ZNF618: variants seen among roughly 807,000 people sequenced by gnomAD.
ZNF618 encodes neural precursor cell expressed, developmentally down-regulated 10.
A neutral mutation model predicts 103.0 loss-of-function variants in ZNF618; 34 were observed. That is an observed-to-expected ratio of 0.33 (90% CI 0.25 to 0.44). The LOEUF (loss-of-function observed/expected upper bound fraction) is 0.44. Ranked by LOEUF, ZNF618 falls within the 20% of genes least tolerant of loss-of-function variation. The pLI, the probability that ZNF618 is intolerant of heterozygous loss-of-function variation, is 1.00. For synonymous variants in ZNF618, 551 were observed against 542.2 expected (o/e 1.02, Z -0.23); for missense variants, 1,059 against 1,295.4 (o/e 0.82, Z 2.80).
At position 114,049,150 on chromosome 9, in the gene ZNF618, G is replaced by A. The variant is rs1268649481; in HGVS notation, c.1848G>A (p.Val616=). The change falls in exon 15 of 15, where the codon GTG becomes GTA. Residue 616 remains valine (V), a synonymous_variant. Coordinates refer to ENST00000374126, the MANE Select transcript of ZNF618 (RefSeq NM_001318042.2). ...FVMSEIRTVY[V]TDCRVSTSAF... is the part of the protein sequence containing the mutation. ...TGTCGGAGATCAGGACAGTGTACGT[G>A]ACGGATTGCCGGGTGAGCACGTCCG... The A allele has an allele frequency of 1.9e-6, 3 of 1,613,868 alleles. No individual in the cohort carries two copies. In the Admixed American group the frequency reaches 5.0e-5, roughly 27 times the overall value.
At chr9:114,045,872 A>T (rs1367804773) in intron 13 of ZNF618, among the ~76,000 whole-genome samples, 2 of 151,878 alleles carry the variant, frequency 1.3e-5, no homozygotes, top group Admixed American at 6.6e-5. Context: ...ATGAACATGG[A>T]ATATCTTTTC....
At chr9:113,909,422 C>A (rs534967585) in intron 1 of ZNF618, among the ~76,000 whole-genome samples, 1 of 152,228 alleles carries the variant, frequency 6.6e-6, no homozygotes, top group South Asian at 2.1e-4. Context: ...ACCATGGCTG[C>A]GCTCTGTATG....
chr9:113,888,564 A>G (rs1829294311), intron 1 of ZNF618, among the ~76,000 whole-genome samples: 1 of 152,276 alleles, frequency 6.6e-6, no homozygotes, highest in Admixed American at 6.5e-5. Context: ...CTTGGAGCCA[A>G]GAGCTCTGGC....
intron 1 of ZNF618, among the ~76,000 whole-genome samples, chr9:113,945,007 A>G (rs911023241): frequency 7.9e-5 from 12 of 152,130 alleles, no homozygotes; most frequent in Admixed American, 7.2e-4. Flanking sequence ...TGTTAATGAG[A>G]ATGACTCATT....
intron 1 of ZNF618, among the ~76,000 whole-genome samples, chr9:113,958,608 C>CA (rs1286919962): frequency 6.6e-6 from 1 of 152,210 alleles, no homozygotes; most frequent in African/African-American, 2.4e-5. Flanking sequence ...GGAACGGAGG[C>CA]ACTGAGAGAT....
chr9:113,909,856 C>G (rs563372341), intron 1 of ZNF618, among the ~76,000 whole-genome samples: 59 of 152,000 alleles, frequency 3.9e-4, no homozygotes, highest in African/African-American at 1.4e-3. Flanking sequence ...GCGGTCTCAG[C>G]TCACTGCAAC....
At chr9:114,025,731 A>T (rs900036064) in intron 10 of ZNF618, among the ~76,000 whole-genome samples, 1 of 151,920 alleles carries the variant, frequency 6.6e-6, no homozygotes, top group Non-Finnish European at 1.5e-5. Context: ...TCTGCCTTAT[A>T]CCTTTGGGAC....
At chr9:113,905,408 C>T (rs2131333893) in intron 1 of ZNF618, among the ~76,000 whole-genome samples, 1 of 152,244 alleles carries the variant, frequency 6.6e-6, no homozygotes, top group African/African-American at 2.4e-5. Flanking sequence ...AACTACAGGC[C>T]AAATATGGGG....
chr9:114,016,187 G>A (rs572476784), intron 9 of ZNF618: 26 of 1,612,604 alleles, frequency 1.6e-5, no homozygotes, highest in African/African-American at 2.7e-5. Context: ...AGATAAAGTC[G>A]GGTGGGACTT....
At chr9:114,015,300 G>A (rs921576629) in intron 9 of ZNF618, among the ~76,000 whole-genome samples, 1 of 152,144 alleles carries the variant, frequency 6.6e-6, no homozygotes, top group Admixed American at 6.5e-5. Flanking sequence ...TTTCATAAAT[G>A]TCAATATGCC....
intron 3 of ZNF618, among the ~76,000 whole-genome samples, chr9:113,990,815 C>T (rs534564877): frequency 5.9e-5 from 9 of 152,232 alleles, no homozygotes; most frequent in East Asian, 1.9e-4. Context: ...TTTGGGGAGG[C>T]GCAGGAGTGA....
At chr9:114,030,591 A>G (rs1208111931) in intron 11 of ZNF618, among the ~76,000 whole-genome samples, 1 of 152,118 alleles carries the variant, frequency 6.6e-6, no homozygotes, top group Non-Finnish European at 1.5e-5. Flanking sequence ...GCCTTGGAAG[A>G]CTTGTGGGTA....
chr9:114,002,546 G>C (rs1225772806), intron 5 of ZNF618, 78 bp from the exon 6 acceptor site: 1 of 1,499,044 alleles, frequency 6.7e-7, no homozygotes, highest in East Asian at 2.3e-5. Flanking sequence ...TGGCTTCCAT[G>C]TTCTCTTTTG....
At position 114,051,982 on chromosome 9, in the gene ZNF618, A is replaced by G. The variant is rs897779743; in HGVS notation, c.*1815A>G. On this transcript the variant is annotated 3_prime_UTR_variant, in exon 15 of 15. Transcript: ENST00000374126. Reference sequence around the variant, plus strand: ...AGGCTTCAAGCTGAGAATGGCCATCATGGCGGGAGGCTGTTTGCAAAGGCA... The same window carrying G: ...AGGCTTCAAGCTGAGAATGGCCATCGTGGCGGGAGGCTGTTTGCAAAGGCA... The G allele has an allele frequency of 1.3e-5, 2 of 152,488 alleles. No homozygotes were observed. Among genetic ancestry groups the G allele is most frequent in the Non-Finnish European group, 2.9e-5 (2 of 68,060 alleles). 9.4% of individuals were successfully genotyped at this position (152,488 alleles called of 1,614,324 possible). A position where few individuals can be genotyped will look rare whatever the true frequency, so the allele number is the denominator to read the frequency against.
At chr9:113,916,080 G>C (rs1007784215) in intron 1 of ZNF618, among the ~76,000 whole-genome samples, 1 of 151,802 alleles carries the variant, frequency 6.6e-6, no homozygotes, top group Non-Finnish European at 1.5e-5. Flanking sequence ...GTCTGTGTGT[G>C]TGTGTGTGTG....
At chr9:113,918,475 G>A (rs1280258789) in intron 1 of ZNF618, among the ~76,000 whole-genome samples, 1 of 152,118 alleles carries the variant, frequency 6.6e-6, no homozygotes, top group Non-Finnish European at 1.5e-5. Context: ...GATAACTGTG[G>A]TGTTTGCCAA....
At chr9:113,886,372 T>C (rs1335457025) in intron 1 of ZNF618, among the ~76,000 whole-genome samples, 3 of 152,202 alleles carry the variant, frequency 2.0e-5, no homozygotes, top group Non-Finnish European at 4.4e-5. Context: ...AGAGAATTTG[T>C]GTTTTGTTTT....
At chr9:113,906,185 T>C (rs1830973522) in intron 1 of ZNF618, among the ~76,000 whole-genome samples, 1 of 152,200 alleles carries the variant, frequency 6.6e-6, no homozygotes, top group Non-Finnish European at 1.5e-5. Context: ...ACTCTGTGCA[T>C]TTCAAAGATA....
intron 2 of ZNF618, among the ~76,000 whole-genome samples, chr9:113,984,416 C>T (rs1839266831): frequency 6.6e-6 from 1 of 152,204 alleles, no homozygotes; most frequent in South Asian, 2.1e-4. Context: ...GAGTCATGGT[C>T]CTTCTTTAAC....
Sources: gnomAD v4.1 joint callset for allele counts (sites outside exome capture counted in the v4.1 genomes callset) on GRCh38, gnomAD v4.1.1 for gene constraint, MANE v1.5 for transcripts, NCBI Gene and HGNC (gene_info 2026-07-23, HGNC 2026-07-21) for gene names.